The following KDELR2 variants were observed in gnomAD, a reference collection of about 807,000 sequenced individuals.
The protein encoded by KDELR2 is KDEL endoplasmic reticulum protein retention receptor 2, also known as ER lumen protein-retaining receptor 2.
Under a neutral mutation model 23.9 loss-of-function variants are expected in KDELR2, and 15 were observed. The ratio of observed to expected loss-of-function variants is 0.63; its 90% CI spans 0.42 to 0.97. The LOEUF (loss-of-function observed/expected upper bound fraction) is 0.97. Ranked by LOEUF, KDELR2 falls within the 50% of genes least tolerant of loss-of-function variation. The pLI, the probability that KDELR2 is intolerant of heterozygous loss-of-function variation, is 0.00. For missense variants in KDELR2, 272 were observed against 254.6 expected, an observed-to-expected ratio of 1.07 and a Z score of -0.46; for synonymous variants, 119 against 106.2, an observed-to-expected ratio of 1.12 and a Z score of -0.74.
chr7:6,463,318 T>C (rs1306971969), intron 4 of KDELR2, 143 bp from the exon 5 acceptor site: 1 of 657,172 alleles, frequency 1.5e-6, no homozygotes, highest in Non-Finnish European at 2.5e-6. Context: ...ATTTTAAAAA[T>C]ACAAATTTGA....
rs910601352 is a variant in KDELR2, at chr7:6,461,304, A to G, written c.*1837T>C. The stretch of plus-strand genomic sequence containing the variant: ...TTTACTTGGGTAGGATGACTGCAGA[A>G]GGAATGGCTACACAGAGCTTCCAGA... On this transcript the variant is annotated 3_prime_UTR_variant, in exon 5 of 5. Transcript: ENST00000258739. The G allele has an allele frequency of 1.3e-5, 2 of 152,132 alleles. No individual in the cohort carries two copies. The highest frequency in any genetic ancestry group is 4.8e-5 in the African/African-American group (2 of 41,426). 9.4% of individuals were successfully genotyped at this position (152,132 alleles called of 1,614,324 possible). A position where few individuals can be genotyped will look rare whatever the true frequency, so the allele number is the denominator to read the frequency against.
Position 6,469,751 on chromosome 7 carries a change from T to C in KDELR2, c.196A>G (p.Ile66Val). ...GTGGCATAGGAGCAGGCAAGGTAGATAACCTACAAATAAAAGAAAAAACAC... is the reference window on the plus strand; with the variant it reads ...GTGGCATAGGAGCAGGCAAGGTAGACAACCTACAAATAAAAGAAAAAACAC... The part of the protein sequence containing the change: ...ISLYNTSMKV[I>V]YLACSYATVY... The change falls in exon 3 of 5, where the codon ATC becomes GTC. Residue 66 changes from isoleucine to valine, a missense_variant. By Grantham distance (29) the Ile-to-Val change is conservative. Coordinates refer to ENST00000258739, the MANE Select transcript of KDELR2 (RefSeq NM_006854.4). 8 of 1,608,308 alleles carry C rather than the reference T, an allele frequency of 5.0e-6. No homozygotes were observed. Among genetic ancestry groups the C allele is most frequent in the Non-Finnish European group, 5.1e-6 (6 of 1,177,832 alleles).
At chr7:6,466,388 C>A (rs540354659) in intron 3 of KDELR2, 65 bp from the exon 4 acceptor site, 30 of 1,575,308 alleles carry the variant, frequency 1.9e-5, no homozygotes, top group Admixed American at 1.1e-4. Context: ...AGGAAACACT[C>A]TTGCTTTCTT....
intron 1 of KDELR2, among the ~76,000 whole-genome samples, chr7:6,477,760 C>A (rs945594702): frequency 6.6e-6 from 1 of 152,114 alleles, no homozygotes; most frequent in Non-Finnish European, 1.5e-5. Flanking sequence ...TAGGCTCAAG[C>A]AATCTTCCCA....
intron 2 of KDELR2, among the ~76,000 whole-genome samples, chr7:6,470,889 C>T (rs571597016): frequency 6.6e-6 from 1 of 151,942 alleles, no homozygotes; most frequent in Admixed American, 6.6e-5. Flanking sequence ...CCGAGGCAGG[C>T]GGATCATGAG....
intron 3 of KDELR2, 48 bp from the exon 4 acceptor site, chr7:6,466,371 A>G: frequency 6.3e-7 from 1 of 1,596,868 alleles, no homozygotes; most frequent in Non-Finnish European, 8.5e-7. Context: ...GCCCACCAGG[A>G]GCTCAGAGGA....
chr7:6,470,619 G>C (rs1785611058), intron 2 of KDELR2, among the ~76,000 whole-genome samples: 1 of 152,104 alleles, frequency 6.6e-6, no homozygotes, highest in African/African-American at 2.4e-5. Context: ...AAACAATGTA[G>C]TACAAAAGCA....
At position 6,462,936 on chromosome 7, in the gene KDELR2, C is replaced by A. The variant is rs373486935; in HGVS notation, c.*205G>T. ...CTTTGTGTAAAAAAATCTTTGTACA[C>A]AGTAATAAAAAAAGATAAGGCAAGA... On this transcript the variant is annotated 3_prime_UTR_variant, in exon 5 of 5. Coordinates refer to ENST00000258739, the MANE Select transcript of KDELR2 (RefSeq NM_006854.4). The A allele has an allele frequency of 2.6e-6, 4 of 1,568,060 alleles. No homozygotes were observed. The highest frequency in any genetic ancestry group is 2.3e-5 in the South Asian group (2 of 85,760).
chr7:6,472,969 G>A (rs1785682968), intron 2 of KDELR2, among the ~76,000 whole-genome samples: 1 of 148,254 alleles, frequency 6.7e-6, no homozygotes, highest in Non-Finnish European at 1.5e-5. Flanking sequence ...GGGCAGTGGT[G>A]CAATTACGGC....
At chr7:6,480,947 G>A (rs995667040) in intron 1 of KDELR2, among the ~76,000 whole-genome samples, 9 of 152,090 alleles carry the variant, frequency 5.9e-5, no homozygotes, top group Admixed American at 3.3e-4. Context: ...ATAATGTCCC[G>A]GGAATACTTG....
chr7:6,472,238 C>G (rs979965736), intron 2 of KDELR2, among the ~76,000 whole-genome samples: 2 of 152,218 alleles, frequency 1.3e-5, no homozygotes, highest in African/African-American at 4.8e-5. Context: ...GCAGAGAGGC[C>G]TCTCACCAGG....
intron 1 of KDELR2, among the ~76,000 whole-genome samples, chr7:6,483,651 C>T (rs544640678): frequency 5.1e-4 from 77 of 152,340 alleles, no homozygotes; most frequent in African/African-American, 1.6e-3. Flanking sequence ...AGAGGGGCCA[C>T]GCCTGTCGGA....
chr7:6,471,546 A>T (rs904775888), intron 2 of KDELR2, among the ~76,000 whole-genome samples: 1 of 151,912 alleles, frequency 6.6e-6, no homozygotes, highest in Non-Finnish European at 1.5e-5. Context: ...TAGGAACTTA[A>T]CTCTTACTCA....
In KDELR2 at chr7:6,479,625, C is replaced by T. The variant is rs186029326; in HGVS notation, c.91+4342G>A. Among the ~76,000 whole-genome samples, 163 of 152,200 alleles carry T rather than the reference C, an allele frequency of 1.1e-3. 4 individuals carry two copies. Among genetic ancestry groups the T allele is most frequent in the African/African-American group, 3.6e-3 (151 of 41,540 alleles). On this transcript the variant is annotated intron_variant, in intron 1 of 4. Transcript: ENST00000258739. ...CCAAGTAGCTGGGACTACAGCCGCC[C>T]GCCACCATGCCCGGCTAATTTTTTT...
At chr7:6,483,268 A>G (rs1785946107) in intron 1 of KDELR2, among the ~76,000 whole-genome samples, 1 of 152,196 alleles carries the variant, frequency 6.6e-6, no homozygotes, top group Non-Finnish European at 1.5e-5. Flanking sequence ...GCACTTAAAA[A>G]CCAGATCGTT....
rs1199062974 is a variant in KDELR2, at chr7:6,479,218, T to C, written c.91+4749A>G. On this transcript the variant is annotated intron_variant, in intron 1 of 4. Coordinates refer to ENST00000258739, the MANE Select transcript of KDELR2 (RefSeq NM_006854.4). ...TGTCACCCAAGCTGAAGTGCAATGG[T>C]GTGATCACGGCTCGCTGCAACCTCG... 1.6e-4 allele frequency among the ~76,000 whole-genome samples: 24 copies of C among 152,240 alleles called. 1 individual carries two copies. Among genetic ancestry groups the C allele is most frequent in the Non-Finnish European group, 7.4e-5 (5 of 68,026 alleles).
In KDELR2 at chr7:6,475,315, T is replaced by G. The variant is rs551310233; in HGVS notation, c.92-1031A>C. ...GGTGGCACACACCTGTGGTCCCAGC[T>G]ACATGGGAGGTTGAGGTGGGAGGAT... On this transcript the variant is annotated intron_variant, in intron 1 of 4. Coordinates refer to ENST00000258739, the MANE Select transcript of KDELR2 (RefSeq NM_006854.4). Among the ~76,000 whole-genome samples the G allele has an allele frequency of 7.9e-5, 12 of 152,204 alleles. 1 individual carries two copies. In the South Asian group the frequency reaches 8.3e-4, roughly 11 times the overall value.
rs1249951187 is a variant in KDELR2, at chr7:6,466,278, G to A, written c.397C>T (p.Pro133Ser). 2 of 1,613,980 alleles carry A rather than the reference G, an allele frequency of 1.2e-6. No homozygotes were observed. Among genetic ancestry groups the A allele is most frequent in the African/African-American group, 2.7e-5 (2 of 74,914 alleles). ...SIYLESVAILPQLFMISKTGE... is the reference protein window; with the variant it reads ...SIYLESVAILSQLFMISKTGE... Reference sequence around the variant, plus strand: ...GTCTTGCTGATCATAAATAGCTGCGGAAGGATAGCCACGGACTCCAGGTAG... The same window carrying A: ...GTCTTGCTGATCATAAATAGCTGCGAAAGGATAGCCACGGACTCCAGGTAG... The change falls in exon 4 of 5, where the codon CCG (proline) becomes TCG (serine). Residue 133 changes from proline (P) to serine (S), a missense_variant. Pro to Ser is a moderately conservative substitution (Grantham distance 74). Coordinates refer to ENST00000258739, the MANE Select transcript of KDELR2 (RefSeq NM_006854.4).
intron 3 of KDELR2, among the ~76,000 whole-genome samples, chr7:6,468,732 T>C (rs1037564433): frequency 6.6e-6 from 1 of 151,372 alleles, no homozygotes; most frequent in African/African-American, 2.4e-5. Context: ...TCTCAATCCC[T>C]TGACTTCGTG....
Sources: allele counts gnomAD v4.1 joint callset (sites outside exome capture counted in the v4.1 genomes callset), GRCh38; gene constraint gnomAD v4.1.1; transcripts MANE v1.5; gene names NCBI Gene and HGNC (gene_info 2026-07-23, HGNC 2026-07-21).